Variants in VWC2L observed in about 807,000 individuals in gnomAD.
VWC2L encodes von Willebrand factor C domain containing 2 like, also known as von Willebrand factor C domain-containing protein 2-like.
In VWC2L, 10 loss-of-function variants were observed where a neutral mutation model predicts 21.6. The observed-to-expected ratio is 0.46, with a 90% CI of 0.29 to 0.78. The LOEUF is 0.78. Ranked by LOEUF, VWC2L falls within the 30% of genes least tolerant of loss-of-function variation. The probability of loss-of-function intolerance (pLI) is 0.10; values close to 1 mark genes in which losing one functional copy is unlikely to be tolerated. For synonymous variants in VWC2L, 96 were observed against 94.3 expected (o/e 1.02, Z -0.10); for missense variants, 209 against 277.1 (o/e 0.75, Z 1.74).
At chr2:214,501,721 C>CAAAAAA (rs776608301) in intron 3 of VWC2L, among the ~76,000 whole-genome samples, 3 of 79,072 alleles carry the variant, frequency 3.8e-5, no homozygotes, top group African/African-American at 4.9e-5. Context: ...GACTCTGTCT[C>CAAAAAA]AAAAAAAAAA....
chr2:214,425,878 A>G (rs1015689200), intron 2 of VWC2L, among the ~76,000 whole-genome samples: 2 of 152,128 alleles, frequency 1.3e-5, no homozygotes, highest in Non-Finnish European at 2.9e-5. Context: ...ACTCAGATGA[A>G]GAAAGAATTC....
chr2:214,556,644 A>T (rs1301690067), intron 3 of VWC2L, among the ~76,000 whole-genome samples: 1 of 152,178 alleles, frequency 6.6e-6, no homozygotes, highest in Admixed American at 6.6e-5. Flanking sequence ...CGGTAATGTT[A>T]TTCATTTTTT....
chr2:214,432,632 G>A (rs532365527), intron 2 of VWC2L, among the ~76,000 whole-genome samples: 1 of 152,256 alleles, frequency 6.6e-6, no homozygotes, highest in East Asian at 1.9e-4. Flanking sequence ...ATTTATGAAA[G>A]AGTCTCATTT....
chr2:214,539,652 T>A (rs772773106), intron 3 of VWC2L, among the ~76,000 whole-genome samples: 18 of 152,274 alleles, frequency 1.2e-4, no homozygotes, highest in Admixed American at 5.2e-4. Flanking sequence ...CTGTTTTCTG[T>A]TGATGTGCTG....
chr2:214,531,581 G>A (rs986623291), intron 3 of VWC2L, among the ~76,000 whole-genome samples: 3 of 152,096 alleles, frequency 2.0e-5, no homozygotes, highest in East Asian at 3.9e-4. Flanking sequence ...CTCTTCAGTC[G>A]GCAGATGTCA....
chr2:214,509,091 G>A (rs187049052), intron 3 of VWC2L, among the ~76,000 whole-genome samples: 2 of 152,110 alleles, frequency 1.3e-5, no homozygotes, highest in Non-Finnish European at 2.9e-5. Flanking sequence ...TTCCCCAGTG[G>A]GATTCTGCTC....
intron 3 of VWC2L, among the ~76,000 whole-genome samples, chr2:214,550,800 G>C (rs1689781945): frequency 6.6e-6 from 1 of 152,040 alleles, no homozygotes; most frequent in Non-Finnish European, 1.5e-5. Flanking sequence ...TTTACATTCT[G>C]AACAGAGCGC....
intron 3 of VWC2L, among the ~76,000 whole-genome samples, chr2:214,483,339 T>C (rs1688632136): frequency 6.6e-6 from 1 of 151,990 alleles, no homozygotes; most frequent in African/African-American, 2.4e-5. Context: ...AGTTAATGGC[T>C]TAACTATTTT....
At chr2:214,553,014 A>C (rs1305590948) in intron 3 of VWC2L, among the ~76,000 whole-genome samples, 1 of 152,156 alleles carries the variant, frequency 6.6e-6, no homozygotes, top group Non-Finnish European at 1.5e-5. Context: ...TTCCTCTTCC[A>C]TACCTCTTGT....
At chr2:214,451,741 G>A (rs1702957352) in intron 3 of VWC2L, among the ~76,000 whole-genome samples, 2 of 152,058 alleles carry the variant, frequency 1.3e-5, no homozygotes, top group Non-Finnish European at 2.9e-5. Flanking sequence ...ATTCATCAGA[G>A]TCTTTACTGA....
intron 3 of VWC2L, among the ~76,000 whole-genome samples, chr2:214,534,979 CCATT>C (rs1689503491): frequency 6.6e-6 from 1 of 152,056 alleles, no homozygotes; most frequent in Non-Finnish European, 1.5e-5. Flanking sequence ...ACTGCCTGAC[CCATT>C]CAGTTTCTTT....
chr2:214,491,816 GAA>G (rs369755228), intron 3 of VWC2L, among the ~76,000 whole-genome samples: 1 of 149,690 alleles, frequency 6.7e-6, no homozygotes, highest in African/African-American at 2.5e-5. Context: ...GTGTAAAATA[GAA>G]AAAAAAAATT....
intron 3 of VWC2L, among the ~76,000 whole-genome samples, chr2:214,565,246 A>T (rs1001109696): frequency 2.0e-5 from 3 of 152,154 alleles, no homozygotes; most frequent in Non-Finnish European, 4.4e-5. Context: ...CACTCTACAT[A>T]AATAGATTGA....
chr2:214,556,473 T>G (rs1689874619), intron 3 of VWC2L, among the ~76,000 whole-genome samples: 1 of 152,152 alleles, frequency 6.6e-6, no homozygotes, highest in African/African-American at 2.4e-5. Flanking sequence ...AACTTTCCTA[T>G]TTCATGAGAA....
intron 3 of VWC2L, among the ~76,000 whole-genome samples, chr2:214,552,909 T>A: frequency 6.6e-6 from 1 of 152,202 alleles, no homozygotes; most frequent in East Asian, 1.9e-4. Context: ...CTCTAGACTT[T>A]TCTCCTAAGC....
intron 3 of VWC2L, among the ~76,000 whole-genome samples, chr2:214,451,317 G>GC (rs1014931588): frequency 3.3e-5 from 5 of 149,334 alleles, no homozygotes; most frequent in South Asian, 2.2e-4. Context: ...GTGGGGGGGG[G>GC]GGGCAGTAAA....
intron 3 of VWC2L, among the ~76,000 whole-genome samples, chr2:214,535,013 C>G (rs982647211): frequency 1.3e-5 from 2 of 152,024 alleles, no homozygotes; most frequent in African/African-American, 4.8e-5. Flanking sequence ...GAAAATACTG[C>G]AAAAACGGAT....
intron 3 of VWC2L, among the ~76,000 whole-genome samples, chr2:214,543,908 G>A (rs925297524): frequency 3.3e-5 from 5 of 152,332 alleles, no homozygotes; most frequent in Middle Eastern, 3.4e-3. Flanking sequence ...GATGTACCCA[G>A]AAGTATGTTT....
chr2:214,489,004 G>C (rs1688711117), intron 3 of VWC2L, among the ~76,000 whole-genome samples: 1 of 152,316 alleles, frequency 6.6e-6, no homozygotes, highest in Non-Finnish European at 1.5e-5. Flanking sequence ...ATTTCAGCAT[G>C]AGATTTGATG....
Sources: allele counts gnomAD v4.1 joint callset (sites outside exome capture counted in the v4.1 genomes callset), GRCh38; gene constraint gnomAD v4.1.1; transcripts MANE v1.5; gene names NCBI Gene and HGNC (gene_info 2026-07-23, HGNC 2026-07-21).